CREBRF: variants seen among roughly 807,000 people sequenced by gnomAD.
CREBRF encodes CREB3 regulatory factor, also known as UPF0474 protein C5orf41.
Under a neutral mutation model 66.1 loss-of-function variants are expected in CREBRF, and 5 were observed. The ratio of observed to expected loss-of-function variants is 0.08; its 90% CI spans 0.04 to 0.16. The LOEUF is 0.16. CREBRF is among the 10% of genes least tolerant of loss of function. The probability of loss-of-function intolerance (pLI) is 1.00; values close to 1 mark genes in which losing one functional copy is unlikely to be tolerated. For synonymous variants in CREBRF, 229 were observed against 264.4 expected, an observed-to-expected ratio of 0.87 and a Z score of 1.30; for missense variants, 531 against 744.9, an observed-to-expected ratio of 0.71 and a Z score of 3.34.
intron 4 of CREBRF, chr5:173,092,321 T>G (rs957857677): frequency 1.3e-5 from 13 of 982,382 alleles, no homozygotes; most frequent in Non-Finnish European, 1.6e-5. Flanking sequence ...TGTAATTTGG[T>G]GAGCATGAAG....
chr5:173,108,298 C>T (rs1013898942), intron 4 of CREBRF, among the ~76,000 whole-genome samples: 4 of 151,958 alleles, frequency 2.6e-5, no homozygotes, highest in Non-Finnish European at 5.9e-5. Context: ...TTTTGATATT[C>T]CTATAGCTGT....
In CREBRF at chr5:173,090,805, C is replaced by T. The variant is rs1370210946; in HGVS notation, c.626C>T (p.Ser209Leu). Residue 209 changes from serine to leucine, a missense_variant, in exon 4 of 9, where the codon TCA (serine) becomes TTA (leucine). Ser to Leu is a moderately radical substitution (Grantham distance 145). This residue lies in a region of CREBRF where 309 missense variants were observed against 341.4 expected (regional missense o/e 0.90). Transcript: ENST00000296953. This position sits in a 1 kb window ranked among gnomAD's most constrained non-coding sequence, Gnocchi z 4.5. ...GTCCAAAAAGCAAGTAAACCCACTT[C>T]AAGCACACAAATCATGGTGAAGACC... ...DCVQKASKPTSSTQIMVKTNM... is the reference protein window; with the variant it reads ...DCVQKASKPTLSTQIMVKTNM... 1 of 1,614,118 alleles carries T rather than the reference C, an allele frequency of 6.2e-7. No homozygotes were observed. The highest frequency in any genetic ancestry group is 8.5e-7 in the Non-Finnish European group (1 of 1,180,032).
At chr5:173,105,223 A>ATG (rs1159644057) in intron 4 of CREBRF, among the ~76,000 whole-genome samples, 19 of 136,058 alleles carry the variant, frequency 1.4e-4, no homozygotes, top group African/African-American at 5.1e-4. Flanking sequence ...ATGTGTGTAT[A>ATG]TATGTGTGTG....
At chr5:173,094,487 A>C (rs1758427196) in intron 4 of CREBRF, among the ~76,000 whole-genome samples, 2 of 152,162 alleles carry the variant, frequency 1.3e-5, no homozygotes, top group South Asian at 4.1e-4. Context: ...GCCGACAGGT[A>C]TGAGGTGATA....
chr5:173,131,183 A>G (rs1227371213), intron 8 of CREBRF, among the ~76,000 whole-genome samples: 1 of 152,194 alleles, frequency 6.6e-6, no homozygotes, highest in Non-Finnish European at 1.5e-5. Context: ...TTCTACCTCT[A>G]TCTACATGTG....
intron 8 of CREBRF, among the ~76,000 whole-genome samples, chr5:173,128,945 G>A (rs1363213308): frequency 2.0e-5 from 3 of 149,086 alleles, no homozygotes; most frequent in Non-Finnish European, 1.5e-5. Context: ...CATGCCCGGC[G>A]AATTTTTTGT....
chr5:173,114,493 A>G (rs1486526576), intron 7 of CREBRF, among the ~76,000 whole-genome samples: 76 of 152,254 alleles, frequency 5.0e-4, no homozygotes, highest in Admixed American at 4.9e-3. Context: ...TAAAAAGAAC[A>G]TCATCTACTA....
At chr5:173,082,146 T>G (rs1326586743) in intron 2 of CREBRF, among the ~76,000 whole-genome samples, 2 of 150,748 alleles carry the variant, frequency 1.3e-5, no homozygotes, top group Non-Finnish European at 2.9e-5. Flanking sequence ...CCCAAGTAGC[T>G]GGGACTACAG....
intron 4 of CREBRF, among the ~76,000 whole-genome samples, chr5:173,107,570 A>G (rs547521706): frequency 1.4e-4 from 22 of 152,366 alleles, no homozygotes; most frequent in African/African-American, 4.6e-4. Context: ...TCTGATAGCC[A>G]GTGTGAGAAC....
chr5:173,089,668 A>G (rs114939011), intron 3 of CREBRF, among the ~76,000 whole-genome samples: 5,667 of 151,736 alleles, frequency 0.037, 142 homozygotes, highest in South Asian at 0.09. Flanking sequence ...CTTTAAAAAA[A>G]AAAAAAAAGA....
intron 1 of CREBRF, chr5:173,068,076 T>A: frequency 2.2e-6 from 1 of 445,698 alleles, no homozygotes; most frequent in South Asian, 1.6e-5. Flanking sequence ...ACTTGTTAGG[T>A]CCTTTTTACC....
intron 4 of CREBRF, chr5:173,091,661 A>G (rs1038686419): frequency 1.8e-6 from 2 of 1,142,676 alleles, no homozygotes; most frequent in Non-Finnish European, 2.1e-6. Context: ...TAAAATTAAA[A>G]TAGAGATGAG....
chr5:173,064,046 T>A (rs1174597031), intron 1 of CREBRF, among the ~76,000 whole-genome samples: 2 of 152,134 alleles, frequency 1.3e-5, no homozygotes, highest in Admixed American at 6.5e-5. Context: ...TAAAGACTAG[T>A]GTGATAGTAA....
intron 2 of CREBRF, among the ~76,000 whole-genome samples, chr5:173,082,107 G>A (rs971506936): frequency 6.7e-5 from 9 of 134,506 alleles, no homozygotes; most frequent in Non-Finnish European, 1.2e-4. Context: ...TCCACCTCCC[G>A]GGTTCACGCC....
chr5:173,119,682 G>A (rs535229622), intron 7 of CREBRF, among the ~76,000 whole-genome samples: 13 of 152,218 alleles, frequency 8.5e-5, no homozygotes, highest in Admixed American at 8.5e-4. Flanking sequence ...AGTGGTGATT[G>A]CCTTGTTTAC....
At chr5:173,111,301 G>A (rs530496957) in intron 6 of CREBRF, among the ~76,000 whole-genome samples, 122 of 151,716 alleles carry the variant, frequency 8.0e-4, no homozygotes, top group African/African-American at 2.8e-3. Flanking sequence ...TTGAGACAGA[G>A]TCTCACTCTG....
In CREBRF at chr5:173,112,333, G is replaced by A; in HGVS notation, c.1635G>A (p.Gln545=). 6.2e-7 allele frequency: 1 copy of A among 1,605,544 alleles called. No individual in the cohort carries two copies. Among genetic ancestry groups the A allele is most frequent in the Non-Finnish European group, 8.5e-7 (1 of 1,175,478 alleles). The change falls in exon 7 of 9, where the codon CAG becomes CAA. Residue 545 remains glutamine, a synonymous_variant. Transcript: ENST00000296953. The part of the protein sequence containing the change: ...SRACRLKKKA[Q]YEANKVKLWG... ...CTTGTCGGTTAAAGAAGAAAGCCCAGTATGAAGCTAATAAAGTGAAATTAT... is the reference window on the plus strand; with the variant it reads ...CTTGTCGGTTAAAGAAGAAAGCCCAATATGAAGCTAATAAAGTGAAATTAT...
intron 4 of CREBRF, among the ~76,000 whole-genome samples, chr5:173,102,739 G>A (rs2113760159): frequency 6.6e-6 from 1 of 152,190 alleles, no homozygotes. Flanking sequence ...TGTCAACTAG[G>A]ACTGTGGGTG....
At chr5:173,092,621 CT>C (rs1758377809) in intron 4 of CREBRF, among the ~76,000 whole-genome samples, 1 of 152,060 alleles carries the variant, frequency 6.6e-6, no homozygotes, top group Non-Finnish European at 1.5e-5. Flanking sequence ...AAAGAGAGCC[CT>C]TTTGTTATAA....
Sources: allele counts gnomAD v4.1 joint callset (sites outside exome capture counted in the v4.1 genomes callset), GRCh38; gene constraint gnomAD v4.1.1; regional missense constraint gnomAD v4.1.1; non-coding constraint Gnocchi (gnomAD v3.1); transcripts MANE v1.5; gene names NCBI Gene and HGNC (gene_info 2026-07-23, HGNC 2026-07-21).